The following MORC4 variants were observed in gnomAD, a reference collection of about 807,000 sequenced individuals.
The protein encoded by MORC4 is MORC family CW-type zinc finger protein 4.
MORC4 carries 22 observed loss-of-function variants against 65.5 expected under a neutral mutation model. The observed-to-expected ratio is 0.34, with a 90% CI of 0.24 to 0.48. The LOEUF (loss-of-function observed/expected upper bound fraction) is 0.48. MORC4 is among the 20% of genes least tolerant of loss of function. The pLI, the probability that MORC4 is intolerant of heterozygous loss-of-function variation, is 0.99. For missense variants in MORC4, 624 were observed against 703.0 expected (o/e 0.89, Z 1.27); for synonymous variants, 267 against 255.8 (o/e 1.04, Z -0.42).
intron 3 of MORC4, among the ~76,000 whole-genome samples, chrX:106,987,511 T>C (rs1934896224): frequency 8.9e-6 from 1 of 111,893 alleles, no homozygotes; most frequent in African/African-American, 3.2e-5. Context: ...ATAAGAGACA[T>C]GATTCTTGCC....
At chrX:106,952,461 G>A (rs1449727378) in intron 14 of MORC4, among the ~76,000 whole-genome samples, 1 of 112,597 alleles carries the variant, frequency 8.9e-6, no homozygotes, top group Non-Finnish European at 1.9e-5. Context: ...TTGTGTATGT[G>A]TTCTGTTATT....
chrX:106,998,848 C>T (rs1336335526), intron 2 of MORC4, among the ~76,000 whole-genome samples: 6 of 112,270 alleles, frequency 5.3e-5, no homozygotes, highest in Admixed American at 2.8e-4. Context: ...AAGTAGAGAC[C>T]GGGGTTCATT....
At chrX:106,965,613 A>G (rs1273224032) in intron 9 of MORC4, among the ~76,000 whole-genome samples, 1 of 112,409 alleles carries the variant, frequency 8.9e-6, no homozygotes, top group African/African-American at 3.2e-5. Context: ...AAAATATGGA[A>G]GTGGCTTTAG....
At position 106,999,988 on chromosome X, in the gene MORC4, A is replaced by T; in HGVS notation, c.-19T>A. 1 of 772,855 alleles carries T rather than the reference A, an allele frequency of 1.3e-6. No individual in the cohort carries two copies. Among genetic ancestry groups the T allele is most frequent in the African/African-American group, 2.2e-5 (1 of 44,533 alleles). The allele number at this position is 772,855 out of a possible 1,213,427, so 63.7% of individuals were successfully genotyped here. On this transcript the variant is annotated 5_prime_UTR_variant, in exon 1 of 17. Transcript: ENST00000355610. ...GGAGCATTTTTTTGGCCGCCACGGTACCCGTCTGCTGCCGCCGGACCCCTG... is the reference window on the plus strand; with the variant it reads ...GGAGCATTTTTTTGGCCGCCACGGTTCCCGTCTGCTGCCGCCGGACCCCTG...
At position 106,976,554 on chromosome X, in the gene MORC4, C is replaced by T. The variant is rs370134343; in HGVS notation, c.1157+30G>A. 1.9e-5 allele frequency: 19 copies of T among 976,763 alleles called. No homozygotes were observed. The East Asian group carries it at 3.1e-4, about 16-fold the overall frequency. 80.5% of individuals were successfully genotyped at this position (976,763 alleles called of 1,213,427 possible). On this transcript the variant is annotated intron_variant, in intron 9 of 16. Coordinates refer to ENST00000355610, the MANE Select transcript of MORC4 (RefSeq NM_024657.5). ...ACAGAATCATATCTGAACAAACTAA[C>T]GGAAGCACCTCAGGTTGGGAGTGAC... is the stretch of plus-strand genomic sequence containing the variant.
chrX:106,995,273 T>A (rs1184927804), intron 2 of MORC4, among the ~76,000 whole-genome samples: 1 of 111,278 alleles, frequency 9.0e-6, no homozygotes, highest in African/African-American at 3.3e-5. Flanking sequence ...TGCTGCAAGA[T>A]TAACTTTCCT....
intron 3 of MORC4, among the ~76,000 whole-genome samples, chrX:106,986,496 C>T (rs1428744781): frequency 9.0e-6 from 1 of 111,701 alleles, no homozygotes; most frequent in Non-Finnish European, 1.9e-5. Flanking sequence ...CACCAGCTAA[C>T]GTAGCTGGAG....
chrX:106,963,149 C>T (rs1329236936), intron 9 of MORC4, among the ~76,000 whole-genome samples: 1 of 112,002 alleles, frequency 8.9e-6, no homozygotes, highest in Non-Finnish European at 1.9e-5. Flanking sequence ...AGATGAAGAA[C>T]TATTCCTCAT....
intron 9 of MORC4, among the ~76,000 whole-genome samples, chrX:106,967,691 T>G (rs777178697): frequency 6.3e-5 from 7 of 111,716 alleles, no homozygotes; most frequent in Non-Finnish European, 1.3e-4. Flanking sequence ...AATAGCAGAT[T>G]TGATGAAGCG....
intron 9 of MORC4, 56 bp from the exon 10 acceptor site, chrX:106,962,166 G>C: frequency 1.1e-6 from 1 of 877,306 alleles, no homozygotes; most frequent in Admixed American, 2.3e-5. Context: ...GCAATTCTTT[G>C]ATCTTTGAGA....
chrX:106,960,288 C>T (rs1429527051), intron 10 of MORC4, among the ~76,000 whole-genome samples: 4 of 112,455 alleles, frequency 3.6e-5, no homozygotes, highest in South Asian at 3.7e-4. Flanking sequence ...CCCTCTGTTT[C>T]GGGTTCCATG....
At chrX:106,987,270 C>T (rs1457334646) in intron 3 of MORC4, among the ~76,000 whole-genome samples, 1 of 111,482 alleles carries the variant, frequency 9.0e-6, no homozygotes, top group Non-Finnish European at 1.9e-5. Context: ...AAACCCCAAA[C>T]ACCCTCACTT....
chrX:106,960,645 C>T (rs899313983), intron 10 of MORC4, among the ~76,000 whole-genome samples: 14 of 111,794 alleles, frequency 1.3e-4, no homozygotes, highest in Admixed American at 2.8e-4. Flanking sequence ...TATAAGTAAG[C>T]GTTCAATAAT....
intron 5 of MORC4, among the ~76,000 whole-genome samples, chrX:106,981,692 T>A (rs992031056): frequency 8.9e-6 from 1 of 112,004 alleles, no homozygotes; most frequent in African/African-American, 3.2e-5. Context: ...TACTCTTTCA[T>A]AGAGGTGATG....
intron 5 of MORC4, among the ~76,000 whole-genome samples, chrX:106,982,659 G>A (rs761502968): frequency 2.7e-5 from 3 of 111,653 alleles, no homozygotes; most frequent in Admixed American, 9.5e-5. Flanking sequence ...GAGTGCAGTG[G>A]CATGATCATA....
At chrX:106,961,227 T>G (rs923531215) in intron 10 of MORC4, among the ~76,000 whole-genome samples, 2 of 112,199 alleles carry the variant, frequency 1.8e-5, no homozygotes, top group Non-Finnish European at 3.8e-5. Context: ...GTTAATATAT[T>G]CAGACAGGTG....
At chrX:106,981,550 AAAGAAAAAAAAACAATATG>A in intron 5 of MORC4, 73 bp from the exon 6 acceptor site, 3 of 941,754 alleles carry the variant, frequency 3.2e-6, no homozygotes, top group Non-Finnish European at 4.3e-6. Flanking sequence ...TAGGAGCCCA[AAAGAAAAAAAAACAATATG>A]AGCCAAAACT....
intron 12 of MORC4, 122 bp from the exon 13 acceptor site, chrX:106,956,656 G>T: frequency 1.6e-6 from 1 of 623,717 alleles, no homozygotes; most frequent in South Asian, 2.7e-5. Flanking sequence ...GAGCCTCATT[G>T]AGTAACTGAG....
At chrX:106,945,992 TA>T (rs1933816959) in intron 14 of MORC4, among the ~76,000 whole-genome samples, 1 of 112,086 alleles carries the variant, frequency 8.9e-6, no homozygotes, top group East Asian at 2.8e-4. Context: ...ACTCATTTCA[TA>T]AATGTTTCCT....
Sources: allele counts gnomAD v4.1 joint callset (sites outside exome capture counted in the v4.1 genomes callset), GRCh38; gene constraint gnomAD v4.1.1; transcripts MANE v1.5; gene names NCBI Gene and HGNC (gene_info 2026-07-23, HGNC 2026-07-21).